KIF15: variants seen among roughly 807,000 people sequenced by gnomAD.
The protein encoded by KIF15 is kinesin family member 15.
Under a neutral mutation model 190.6 loss-of-function variants are expected in KIF15, and 140 were observed. The ratio of observed to expected loss-of-function variants is 0.73; its 90% CI spans 0.64 to 0.84. KIF15 has a LOEUF of 0.84. KIF15 is among the 40% of genes least tolerant of loss of function. KIF15 has a pLI of 0.00. For synonymous variants in KIF15, 528 were observed against 551.3 expected, an observed-to-expected ratio of 0.96 and a Z score of 0.59; for missense variants, 1,372 against 1,584.4, an observed-to-expected ratio of 0.87 and a Z score of 2.28.
At chr3:44,818,993 T>A (rs1708146727) in intron 20 of KIF15, among the ~76,000 whole-genome samples, 3 of 152,202 alleles carry the variant, frequency 2.0e-5, no homozygotes, top group Non-Finnish European at 2.9e-5. Context: ...TGTCCAGGAA[T>A]TCATCCATTT....
intron 8 of KIF15, among the ~76,000 whole-genome samples, chr3:44,795,537 T>G (rs1706935035): frequency 6.6e-6 from 1 of 152,158 alleles, no homozygotes; most frequent in South Asian, 2.1e-4. Flanking sequence ...GCTGTTAAGA[T>G]TTTAGAAGGG....
At chr3:44,812,065 A>G (rs1446839549) in intron 17 of KIF15, 117 bp from the exon 18 acceptor site, 2 of 715,164 alleles carry the variant, frequency 2.8e-6, no homozygotes, top group African/African-American at 1.8e-5. Context: ...CTTTGTTCAT[A>G]TGAGGTTTTG....
At chr3:44,789,886 C>A (rs993006105) in intron 7 of KIF15, among the ~76,000 whole-genome samples, 5 of 151,536 alleles carry the variant, frequency 3.3e-5, no homozygotes, top group African/African-American at 1.2e-4. Flanking sequence ...CAATAAGAAC[C>A]CAACACACTT....
intron 1 of KIF15, among the ~76,000 whole-genome samples, chr3:44,762,875 C>T (rs1425516052): frequency 1.3e-5 from 2 of 152,092 alleles, no homozygotes; most frequent in African/African-American, 4.8e-5. Context: ...CAAAATGGTA[C>T]CTTATTGGAG....
chr3:44,786,445 C>G lies in KIF15; in HGVS notation c.510C>G (p.Tyr170Ter), dbSNP rs1706410788. Residue 170 changes from tyrosine to a stop codon, truncating the protein, a stop_gained, in exon 7 of 35, where the codon TAC becomes TAG. Coordinates refer to ENST00000326047, the MANE Select transcript of KIF15 (RefSeq NM_020242.3). LOFTEE classifies it high-confidence loss of function. Reference sequence around the variant, plus strand: ...GTAAGTGTTCCTTTATTGAAATCTACAACGAGCAGATATATGATCTACTGG... The same window carrying G: ...GTAAGTGTTCCTTTATTGAAATCTAGAACGAGCAGATATATGATCTACTGG... ...FLCKCSFIEI[Y>*]NEQIYDLLDS... The G allele has an allele frequency of 6.2e-7, 1 of 1,611,874 alleles. No individual in the cohort carries two copies. Among genetic ancestry groups the G allele is most frequent in the East Asian group, 2.2e-5 (1 of 44,856 alleles).
At chr3:44,826,306 G>A (rs1697642180) in intron 21 of KIF15, 69 bp from the exon 22 acceptor site, 3 of 1,556,840 alleles carry the variant, frequency 1.9e-6, no homozygotes, top group African/African-American at 1.4e-5. Context: ...CCACATAGAA[G>A]GTACTTGACA....
At chr3:44,774,480 G>C (rs1428396169) in intron 2 of KIF15, 43 bp downstream of exon 2, 1 of 1,509,780 alleles carries the variant, frequency 6.6e-7, no homozygotes, top group Non-Finnish European at 9.1e-7. Context: ...AAGGACTAGG[G>C]ATGGAATATT....
intron 6 of KIF15, chr3:44,863,852 C>G (rs988218182): frequency 3.5e-6 from 1 of 284,210 alleles, no homozygotes; most frequent in Non-Finnish European, 6.8e-6. Context: ...ACTTGGCCCT[C>G]TGGGACTGAT....
At chr3:44,829,541 A>G (rs902770082) in intron 24 of KIF15, among the ~76,000 whole-genome samples, 20 of 121,786 alleles carry the variant, frequency 1.6e-4, no homozygotes, top group Admixed American at 3.0e-4. Flanking sequence ...ATATGTATAT[A>G]TTATATATGT....
At chr3:44,820,979 G>T (rs1273658068) in intron 20 of KIF15, among the ~76,000 whole-genome samples, 1 of 150,388 alleles carries the variant, frequency 6.6e-6, no homozygotes, top group Non-Finnish European at 1.5e-5. Context: ...CGGGCAGGGG[G>T]CTGACCCCCC....
intron 10 of KIF15, among the ~76,000 whole-genome samples, chr3:44,798,288 G>A (rs1707091853): frequency 6.6e-6 from 1 of 150,464 alleles, no homozygotes; most frequent in African/African-American, 2.4e-5. Context: ...TCAGCCTCCT[G>A]TGTAGCTGGA....
Position 44,812,393 on chromosome 3 carries a change from A to G in KIF15, c.2277+104A>G. On this transcript the variant is annotated intron_variant, in intron 18 of 34. Coordinates refer to ENST00000326047, the MANE Select transcript of KIF15 (RefSeq NM_020242.3). Reference sequence around the variant, plus strand: ...TCAAACATCCTTGAGTATGCATGAAACATATTCAGAGAGTATCACAGAAAG... The same window carrying G: ...TCAAACATCCTTGAGTATGCATGAAGCATATTCAGAGAGTATCACAGAAAG... The G allele has an allele frequency of 3.9e-6, 3 of 771,852 alleles. No homozygotes were observed. The South Asian group carries it at 5.0e-5, about 13-fold the overall frequency. The allele number at this position is 771,852 out of a possible 1,614,324, so 47.8% of individuals were successfully genotyped here. A position where few individuals can be genotyped will look rare whatever the true frequency, so the allele number is the denominator to read the frequency against.
At chr3:44,830,375 G>A (rs1031615378) in intron 25 of KIF15, among the ~76,000 whole-genome samples, 3 of 152,208 alleles carry the variant, frequency 2.0e-5, no homozygotes, top group African/African-American at 7.2e-5. Flanking sequence ...ATAAGAAACA[G>A]GCTGGTTGCT....
At chr3:44,814,574 G>C (rs1707943135) in intron 19 of KIF15, among the ~76,000 whole-genome samples, 1 of 152,192 alleles carries the variant, frequency 6.6e-6, no homozygotes, top group Non-Finnish European at 1.5e-5. Context: ...GCCTCACAAA[G>C]TACTGGGATT....
At chr3:44,861,831 A>G (rs945888666) in intron 6 of KIF15, 2 of 1,348,064 alleles carry the variant, frequency 1.5e-6, no homozygotes, top group African/African-American at 1.5e-5. Context: ...GCGTGGCGTC[A>G]CAGGAGCGTC....
At chr3:44,802,106 A>G in intron 13 of KIF15, 132 bp downstream of exon 13, 4 of 624,316 alleles carry the variant, frequency 6.4e-6, no homozygotes, top group Admixed American at 3.0e-5. Context: ...GTGTGATTGC[A>G]TAATTCCTTT....
intron 22 of KIF15, among the ~76,000 whole-genome samples, chr3:44,826,753 T>C (rs2125689291): frequency 1.3e-5 from 2 of 152,350 alleles, no homozygotes; most frequent in Middle Eastern, 3.4e-3. Flanking sequence ...TTCTAACTCT[T>C]CCTTTTATTA....
At chr3:44,798,360 T>C (rs1027537156) in intron 10 of KIF15, among the ~76,000 whole-genome samples, 1 of 151,226 alleles carries the variant, frequency 6.6e-6, no homozygotes, top group Non-Finnish European at 1.5e-5. Flanking sequence ...TTATTTTATT[T>C]ATTTTTTATT....
At chr3:44,800,557 T>TGAA in intron 11 of KIF15, 120 bp downstream of exon 11, 2 of 976,432 alleles carry the variant, frequency 2.0e-6, no homozygotes, top group African/African-American at 3.3e-5. Context: ...TATCTCTTTC[T>TGAA]GCTTATTTCT....
Sources: gnomAD v4.1 joint callset for allele counts (sites outside exome capture counted in the v4.1 genomes callset) on GRCh38, gnomAD v4.1.1 for gene constraint, MANE v1.5 for transcripts, NCBI Gene and HGNC (gene_info 2026-07-23, HGNC 2026-07-21) for gene names.